DNM1L: variants seen among roughly 807,000 people sequenced by gnomAD.
The protein encoded by DNM1L is dynamin 1L.
DNM1L carries 33 observed loss-of-function variants against 92.8 expected under a neutral mutation model. The ratio of observed to expected loss-of-function variants is 0.36; its 90% CI spans 0.27 to 0.48. The LOEUF (loss-of-function observed/expected upper bound fraction) is 0.48, where lower values mean the gene tolerates loss of function less well. Among genes scored for constraint, DNM1L ranks in the 20% least tolerant of loss-of-function variants. The probability of loss-of-function intolerance (pLI) is 0.99; values close to 1 mark genes in which losing one functional copy is unlikely to be tolerated. For missense variants in DNM1L, 485 were observed against 888.8 expected (o/e 0.55, Z 5.78); for synonymous variants, 284 against 305.0 (o/e 0.93, Z 0.72).
rs761583857 is a variant in DNM1L, at chr12:32,740,389, T to C, written c.1885-20T>C. 1.1e-5 allele frequency: 18 copies of C among 1,611,822 alleles called. No individual in the cohort carries two copies. Among genetic ancestry groups the C allele is most frequent in the South Asian group, 2.2e-5 (2 of 90,886 alleles). ...TTAGTGTCACAAAAGTAATATTTTT[T>C]CCCCCTCATCCCTATTTAGCCAGTT... On this transcript the variant is annotated intron_variant, in intron 17 of 19. Transcript: ENST00000549701.
chr12:32,679,501 C>A (rs764871053), intron 1 of DNM1L, 36 bp downstream of exon 1: 1 of 1,582,878 alleles, frequency 6.3e-7, no homozygotes, highest in Admixed American at 1.7e-5. Context: ...CGGGCCAGAC[C>A]CCGGCCGCAG....
At chr12:32,727,753 G>C (rs1954249849) in intron 9 of DNM1L, among the ~76,000 whole-genome samples, 3 of 152,108 alleles carry the variant, frequency 2.0e-5, no homozygotes, top group Admixed American at 2.0e-4. Flanking sequence ...TTACTTTTTA[G>C]ATATACCCTC....
chr12:32,723,770 C>CCAAAA (rs58202620), intron 9 of DNM1L, among the ~76,000 whole-genome samples: 23,046 of 150,516 alleles, frequency 0.15, 1,862 homozygotes, highest in Middle Eastern at 0.21. Context: ...ACTACGGCTA[C>CCAAAA]CAAAACAAAC....
At chr12:32,735,459 C>T (rs1225491659) in intron 13 of DNM1L, among the ~76,000 whole-genome samples, 1 of 152,104 alleles carries the variant, frequency 6.6e-6, no homozygotes, top group Non-Finnish European at 1.5e-5. Context: ...TTTTATCATG[C>T]TAATTTTTTA....
intron 1 of DNM1L, chr12:32,679,697 G>A: frequency 8.1e-7 from 1 of 1,233,942 alleles, no homozygotes; most frequent in Non-Finnish European, 1.0e-6. Flanking sequence ...GGCGGAGCCG[G>A]CGCGGCGGGC....
rs1337529893 is a variant in DNM1L at position 32,707,381 on chromosome 12, G to C, written c.265G>C (p.Glu89Gln). ...TGEENGVEAE[E>Q]WGKFLHTKNK... is the part of the protein sequence containing the mutation. The stretch of plus-strand genomic sequence containing the variant: ...CTTTTTTCCAGGGGTGGAAGCAGAA[G>C]AATGGGGTAAATTTCTTCACACCAA... Residue 89 changes from glutamate (E) to glutamine (Q), a missense_variant, in exon 3 of 20, where the codon GAA (glutamate) becomes CAA (glutamine). Coordinates refer to ENST00000549701, the MANE Select transcript of DNM1L (RefSeq NM_012062.5). 2.5e-6 allele frequency: 4 copies of C among 1,606,976 alleles called. No homozygotes were observed. The South Asian group carries it at 4.5e-5, about 18-fold the overall frequency.
chr12:32,701,766 C>T (rs527919776), intron 2 of DNM1L, among the ~76,000 whole-genome samples: 21 of 151,762 alleles, frequency 1.4e-4, no homozygotes, highest in Non-Finnish European at 2.1e-4. Context: ...CTTACTCTGT[C>T]GCCCAGGCTG....
chr12:32,690,126 G>C (rs1002922932), intron 1 of DNM1L, among the ~76,000 whole-genome samples: 2 of 152,288 alleles, frequency 1.3e-5, no homozygotes, highest in South Asian at 4.1e-4. Flanking sequence ...AAATCACCAG[G>C]TGGGGGAAAA....
chr12:32,736,759 G>A (rs772690914), intron 13 of DNM1L, among the ~76,000 whole-genome samples: 1 of 152,102 alleles, frequency 6.6e-6, no homozygotes, highest in African/African-American at 2.4e-5. Flanking sequence ...GGCTTACCAC[G>A]TTCCACATTT....
intron 4 of DNM1L, 55 bp downstream of exon 4, chr12:32,708,279 G>A: frequency 8.5e-7 from 1 of 1,172,152 alleles, no homozygotes. Flanking sequence ...TATAATTGAG[G>A]TATTCTGTAC....
rs965254767 is a variant in DNM1L at position 32,717,073 on chromosome 12, GTA to G, written c.620-1558_620-1557del. ...TTCAGTTACAAATATATATACATAGGTATATATATATATTTTATATATATATT... is the reference window on the plus strand; with the variant it reads ...TTCAGTTACAAATATATATACATAGGTATATATATATTTTATATATATATT... On this transcript the variant is annotated intron_variant, in intron 6 of 19. Coordinates refer to ENST00000549701, the MANE Select transcript of DNM1L (RefSeq NM_012062.5). 4.1e-5 allele frequency among the ~76,000 whole-genome samples: 5 copies of G among 122,852 alleles called. No individual in the cohort carries two copies. The East Asian group carries it at 9.1e-4, about 22-fold the overall frequency. The allele number at this position is 122,852 out of a possible 152,430, so 80.6% of individuals were successfully genotyped here. A position where few individuals can be genotyped will look rare whatever the true frequency, so the allele number is the denominator to read the frequency against.
intron 1 of DNM1L, among the ~76,000 whole-genome samples, chr12:32,684,054 A>G (rs1037217946): frequency 2.6e-5 from 4 of 152,222 alleles, no homozygotes; most frequent in African/African-American, 7.2e-5. Flanking sequence ...TTCATGTAAC[A>G]CAAAATTCAC....
intron 9 of DNM1L, among the ~76,000 whole-genome samples, chr12:32,729,982 G>T (rs1954440294): frequency 6.6e-6 from 1 of 152,130 alleles, no homozygotes; most frequent in Non-Finnish European, 1.5e-5. Flanking sequence ...AATTCAGATG[G>T]ACTTGAATTT....
chr12:32,721,856 C>T (rs1953827237), intron 8 of DNM1L, among the ~76,000 whole-genome samples: 2 of 152,106 alleles, frequency 1.3e-5, no homozygotes, highest in Admixed American at 1.3e-4. Context: ...GTTAGAGTGG[C>T]TCACAGAGGT....
chr12:32,721,706 G>T (rs10844317), intron 8 of DNM1L, among the ~76,000 whole-genome samples: 23,385 of 151,920 alleles, frequency 0.15, 1,903 homozygotes, highest in Middle Eastern at 0.21. Context: ...TAGTGTCAGC[G>T]CCCACAGGTT....
rs370233818 is a variant in DNM1L at position 32,710,911 on chromosome 12, T to A, written c.370-18T>A. 1.9e-6 allele frequency: 3 copies of A among 1,557,558 alleles called. No homozygotes were observed. Among genetic ancestry groups the A allele is most frequent in the Non-Finnish European group, 1.8e-6 (2 of 1,141,162 alleles). On this transcript the variant is annotated intron_variant, in intron 4 of 19. Coordinates refer to ENST00000549701, the MANE Select transcript of DNM1L (RefSeq NM_012062.5). ...ATAGTTCATTGAAATTTTAATATAT[T>A]TTAAAATTTATTTTTAGGGAGTAAG... is the stretch of plus-strand genomic sequence containing the variant.
intron 1 of DNM1L, among the ~76,000 whole-genome samples, chr12:32,696,392 A>ACG (rs1326848871): frequency 5.4e-4 from 82 of 150,486 alleles, no homozygotes; most frequent in African/African-American, 1.9e-3. Context: ...AAACACACAC[A>ACG]CACACACACA....
chr12:32,707,308 T>C (rs531035182), intron 2 of DNM1L, 59 bp from the exon 3 acceptor site: 3 of 1,387,626 alleles, frequency 2.2e-6, no homozygotes, highest in Non-Finnish European at 3.0e-6. Flanking sequence ...CTTTTTGAAT[T>C]CCTAAAGATA....
chr12:32,738,791 G>A (rs1955084073), intron 16 of DNM1L, among the ~76,000 whole-genome samples: 1 of 152,028 alleles, frequency 6.6e-6, no homozygotes, highest in African/African-American at 2.4e-5. Context: ...CATTTTAGAG[G>A]AAAATTAAAT....
Sources: gnomAD v4.1 joint callset for allele counts (sites outside exome capture counted in the v4.1 genomes callset) on GRCh38, gnomAD v4.1.1 for gene constraint, MANE v1.5 for transcripts, NCBI Gene and HGNC (gene_info 2026-07-23, HGNC 2026-07-21) for gene names.